Variants in PLCXD2 observed in about 807,000 individuals in gnomAD.
PLCXD2 encodes the protein phosphatidylinositol specific phospholipase C X domain containing 2.
A neutral mutation model predicts 28.6 loss-of-function variants in PLCXD2; 21 were observed. That is an observed-to-expected ratio of 0.73 (90% CI 0.52 to 1.06). PLCXD2 has a LOEUF of 1.06. Ranked by LOEUF, PLCXD2 falls within the 50% of genes least tolerant of loss-of-function variation. PLCXD2 has a pLI of 0.00. For synonymous variants in PLCXD2, 140 were observed against 150.1 expected (o/e 0.93, Z 0.49); for missense variants, 369 against 376.7 (o/e 0.98, Z 0.17).
chr3:111,697,418 GAACT>G (rs1940978263), intron 1 of PLCXD2, among the ~76,000 whole-genome samples: 1 of 152,100 alleles, frequency 6.6e-6, no homozygotes, highest in African/African-American at 2.4e-5. Flanking sequence ...TGAGAGAGAT[GAACT>G]AACATAAACT....
chr3:111,704,903 C>T (rs1479266511), intron 1 of PLCXD2, among the ~76,000 whole-genome samples: 3 of 151,772 alleles, frequency 2.0e-5, no homozygotes, highest in African/African-American at 7.3e-5. Flanking sequence ...ACCTCTGCCT[C>T]CTGGGTTCAA....
intron 1 of PLCXD2, among the ~76,000 whole-genome samples, chr3:111,693,015 G>A (rs9812323): frequency 0.025 from 3,761 of 152,274 alleles, 76 homozygotes; most frequent in Middle Eastern, 0.051. Flanking sequence ...GTGCAAATGG[G>A]AAAGAGGGAG....
rs1246051130 is a variant in PLCXD2 at position 111,675,327 on chromosome 3, T to A, written c.82T>A (p.Ser28Thr). The A allele has an allele frequency of 6.2e-7, 1 of 1,614,122 alleles. No individual in the cohort carries two copies. The change falls in exon 1 of 5, where the codon TCG (serine) becomes ACG (threonine). Residue 28 changes from serine (S) to threonine (T), a missense_variant. By Grantham distance (58) the Ser-to-Thr change is moderately conservative. Transcript: ENST00000477665. The stretch of plus-strand genomic sequence containing the variant: ...CAACCCCAGCGGGACAAAGACATCA[T>A]CGGAGGTCTGCAATGCCGACTGGAT...
intron 3 of PLCXD2, among the ~76,000 whole-genome samples, chr3:111,717,543 A>G (rs1341093910): frequency 2.0e-5 from 3 of 152,104 alleles, no homozygotes; most frequent in Non-Finnish European, 2.9e-5. Flanking sequence ...TGCCTTGGAG[A>G]AGGTTGACAC....
intron 2 of PLCXD2, among the ~76,000 whole-genome samples, chr3:111,709,525 G>A (rs547940929): frequency 6.6e-6 from 1 of 152,156 alleles, no homozygotes; most frequent in East Asian, 1.9e-4. Context: ...TAAGAGCTAT[G>A]GAAAACGAAA....
chr3:111,702,777 A>G (rs1371478846), intron 1 of PLCXD2, among the ~76,000 whole-genome samples: 1 of 152,110 alleles, frequency 6.6e-6, no homozygotes, highest in Non-Finnish European at 1.5e-5. Flanking sequence ...TTTTATTCAT[A>G]CATTCCAGGA....
chr3:111,697,358 A>G (rs1254820374), intron 1 of PLCXD2, among the ~76,000 whole-genome samples: 3 of 152,216 alleles, frequency 2.0e-5, no homozygotes, highest in South Asian at 2.1e-4. Flanking sequence ...TCTGAATAAA[A>G]CAAGCACACT....
intron 1 of PLCXD2, among the ~76,000 whole-genome samples, chr3:111,680,982 A>G (rs1295540125): frequency 6.6e-6 from 1 of 152,216 alleles, no homozygotes. Flanking sequence ...ACATTCATTT[A>G]TTGAAAGCCT....
chr3:111,720,309 C>A (rs540432399), intron 3 of PLCXD2, among the ~76,000 whole-genome samples: 1 of 152,068 alleles, frequency 6.6e-6, no homozygotes, highest in Admixed American at 6.5e-5. Context: ...CAGGTGATTA[C>A]CCCTCCTCAC....
At chr3:111,721,937 A>G (rs1941351490) in intron 3 of PLCXD2, 1 of 152,228 alleles carries the variant, frequency 6.6e-6, no homozygotes, top group Admixed American at 6.5e-5. Context: ...CTCCAAGTGG[A>G]TTTGGAGCCA....
intron 3 of PLCXD2, among the ~76,000 whole-genome samples, chr3:111,720,473 C>T (rs1414175422): frequency 6.6e-6 from 1 of 152,132 alleles, no homozygotes; most frequent in Non-Finnish European, 1.5e-5. Context: ...CATGGTATCT[C>T]TTTGATGCTG....
At chr3:111,685,737 G>A (rs576641655) in intron 1 of PLCXD2, among the ~76,000 whole-genome samples, 3 of 152,272 alleles carry the variant, frequency 2.0e-5, no homozygotes, top group Admixed American at 1.3e-4. Context: ...AAAAGATGAC[G>A]CCATCTATTT....
chr3:111,695,719 C>A (rs533033677), intron 1 of PLCXD2, among the ~76,000 whole-genome samples: 1 of 152,278 alleles, frequency 6.6e-6, no homozygotes, highest in Non-Finnish European at 1.5e-5. Context: ...ACTGAGATGG[C>A]TAAGTGACTA....
chr3:111,716,350 C>G (rs1393902864), intron 3 of PLCXD2, among the ~76,000 whole-genome samples: 1 of 151,628 alleles, frequency 6.6e-6, no homozygotes. Flanking sequence ...TCAGCTCAAA[C>G]CAAGAAAAAA....
intron 3 of PLCXD2, chr3:111,725,861 C>G (rs190507673): frequency 2.5e-6 from 1 of 398,578 alleles, no homozygotes; most frequent in Non-Finnish European, 4.4e-6. Flanking sequence ...TCATAGAATA[C>G]TACTTTTTCC....
At chr3:111,721,009 C>T in intron 3 of PLCXD2, 1 of 401,124 alleles carries the variant, frequency 2.5e-6, no homozygotes, top group Non-Finnish European at 4.4e-6. Context: ...TTTTTTCTCC[C>T]TTCCTCACAG....
At chr3:111,678,214 A>G (rs1940653926) in intron 1 of PLCXD2, among the ~76,000 whole-genome samples, 1 of 152,188 alleles carries the variant, frequency 6.6e-6, no homozygotes, top group Non-Finnish European at 1.5e-5. Flanking sequence ...GCCTTGATGT[A>G]TTATTTTACT....
Position 111,675,375 on chromosome 3 carries a change from C to G in PLCXD2, c.130C>G (p.His44Asp). The G allele has an allele frequency of 6.2e-7, 1 of 1,614,198 alleles. No individual in the cohort carries two copies. The highest frequency in any genetic ancestry group is 8.5e-7 in the Non-Finnish European group (1 of 1,180,034). Residue 44 changes from histidine (H) to aspartate (D), a missense_variant, in exon 1 of 5, where the codon CAC (histidine) becomes GAC (aspartate). Transcript: ENST00000477665. ...GATGGCCTCGCTCCCCCCTCACCTCCACAACCTCCCCCTTTCCAATCTGGC... is the reference window on the plus strand; with the variant it reads ...GATGGCCTCGCTCCCCCCTCACCTCGACAACCTCCCCCTTTCCAATCTGGC...
intron 1 of PLCXD2, among the ~76,000 whole-genome samples, chr3:111,687,497 G>A (rs1166474912): frequency 4.6e-5 from 7 of 151,888 alleles, no homozygotes; most frequent in African/African-American, 1.2e-4. Flanking sequence ...TCTTAACTCA[G>A]GCCTCAAATA....
Sources: allele counts gnomAD v4.1 joint callset (sites outside exome capture counted in the v4.1 genomes callset), GRCh38; gene constraint gnomAD v4.1.1; transcripts MANE v1.5; gene names NCBI Gene and HGNC (gene_info 2026-07-23, HGNC 2026-07-21).